The following PDE3A variants were observed in gnomAD, a reference collection of about 807,000 sequenced individuals.
PDE3A encodes phosphodiesterase 3A.
In PDE3A, 43 loss-of-function variants were observed where a neutral mutation model predicts 98.3. The observed-to-expected ratio is 0.44, with a 90% confidence interval of 0.34 to 0.56. The LOEUF (loss-of-function observed/expected upper bound fraction) is 0.56. Among genes scored for constraint, PDE3A ranks in the 20% least tolerant of loss-of-function variants. PDE3A has a pLI of 0.01. For synonymous variants in PDE3A, 663 were observed against 567.9 expected (o/e 1.17, Z -2.38); for missense variants, 1,427 against 1,440.7 (o/e 0.99, Z 0.15).
Position 20,679,292 on chromosome 12 carries a change from G to C in PDE3A, c.3185-738G>C, listed in dbSNP as rs183623110. 2.0e-5 allele frequency among the ~76,000 whole-genome samples: 3 copies of C among 152,238 alleles called. No individual in the cohort carries two copies. The East Asian group carries it at 5.8e-4, about 29-fold the overall frequency. On this transcript the variant is annotated intron_variant, in intron 15 of 15. Transcript: ENST00000359062. The stretch of plus-strand genomic sequence containing the variant: ...AGATGGAATCTCGCTCTGTTGCCCA[G>C]GCTGGAGTGCAGTGGCTCTATCTCA...
chr12:20,525,074 G>A (rs1946491588), intron 1 of PDE3A, among the ~76,000 whole-genome samples: 1 of 152,244 alleles, frequency 6.6e-6, no homozygotes, highest in South Asian at 2.1e-4. Context: ...GGAGGTTGTG[G>A]TGAGCCGAGA....
intron 3 of PDE3A, among the ~76,000 whole-genome samples, chr12:20,614,906 C>T (rs896707890): frequency 6.6e-6 from 1 of 151,710 alleles, no homozygotes; most frequent in Non-Finnish European, 1.5e-5. Context: ...AGTGATTAGC[C>T]GCAGATAAAA....
intron 2 of PDE3A, among the ~76,000 whole-genome samples, chr12:20,577,373 A>G (rs1942960427): frequency 6.6e-6 from 1 of 152,160 alleles, no homozygotes; most frequent in Non-Finnish European, 1.5e-5. Flanking sequence ...GGACCTGGGA[A>G]TTCACCCGGT....
chr12:20,500,214 A>G (rs1945996816), intron 1 of PDE3A, among the ~76,000 whole-genome samples: 1 of 152,218 alleles, frequency 6.6e-6, no homozygotes, highest in South Asian at 2.1e-4. Context: ...GACATTTAAG[A>G]GTTTTCCTGT....
intron 2 of PDE3A, among the ~76,000 whole-genome samples, chr12:20,572,750 T>A (rs1042087665): frequency 2.0e-5 from 3 of 152,140 alleles, no homozygotes; most frequent in Non-Finnish European, 4.4e-5. Context: ...GTCATTTAAA[T>A]ATAAAATATG....
intron 2 of PDE3A, among the ~76,000 whole-genome samples, chr12:20,598,340 G>A (rs950213407): frequency 5.9e-5 from 9 of 151,712 alleles, no homozygotes; most frequent in South Asian, 2.1e-4. Flanking sequence ...CCACCACCAC[G>A]CCCGGCTAAT....
chr12:20,598,780 C>G (rs111731460), intron 2 of PDE3A, among the ~76,000 whole-genome samples: 1 of 152,086 alleles, frequency 6.6e-6, no homozygotes, highest in African/African-American at 2.4e-5. Context: ...TTTCTTATGT[C>G]GCCATATCTC....
intron 1 of PDE3A, among the ~76,000 whole-genome samples, chr12:20,460,148 C>G (rs1357906310): frequency 6.6e-6 from 1 of 152,210 alleles, no homozygotes; most frequent in African/African-American, 2.4e-5. Context: ...ACCTTCAACT[C>G]TCTAATCAAT....
intron 2 of PDE3A, among the ~76,000 whole-genome samples, chr12:20,601,756 C>T (rs1275280474): frequency 7.3e-6 from 1 of 137,194 alleles, no homozygotes; most frequent in Non-Finnish European, 1.6e-5. Context: ...GTAAGTTATT[C>T]TTTTTTAGCT....
At chr12:20,519,375 C>T (rs972060156) in intron 1 of PDE3A, among the ~76,000 whole-genome samples, 34 of 152,156 alleles carry the variant, frequency 2.2e-4, no homozygotes, top group African/African-American at 7.5e-4. Context: ...ACTTTTATGT[C>T]TACAATGCTT....
intron 15 of PDE3A, among the ~76,000 whole-genome samples, chr12:20,671,845 G>A (rs1405666772): frequency 2.0e-5 from 3 of 147,750 alleles, no homozygotes; most frequent in Non-Finnish European, 4.5e-5. Flanking sequence ...GGAAGTTCTG[G>A]CCAAGGCAAT....
intron 1 of PDE3A, among the ~76,000 whole-genome samples, chr12:20,457,550 A>G (rs902239266): frequency 3.3e-5 from 5 of 151,792 alleles, no homozygotes; most frequent in Non-Finnish European, 7.4e-5. Flanking sequence ...ATACACACAC[A>G]TTATACATAT....
chr12:20,507,058 AG>A (rs1565571437), intron 1 of PDE3A, among the ~76,000 whole-genome samples: 10 of 152,186 alleles, frequency 6.6e-5, no homozygotes. Context: ...ATTCACATAA[AG>A]GGTATTTATT....
chr12:20,473,117 C>T (rs1486509789), intron 1 of PDE3A, among the ~76,000 whole-genome samples: 2 of 151,972 alleles, frequency 1.3e-5, no homozygotes, highest in Non-Finnish European at 2.9e-5. Flanking sequence ...TGAGTTGTGT[C>T]ATTGAATGTT....
At chr12:20,489,041 G>A (rs1241292976) in intron 1 of PDE3A, among the ~76,000 whole-genome samples, 2 of 152,136 alleles carry the variant, frequency 1.3e-5, no homozygotes, top group African/African-American at 2.4e-5. Context: ...TACATCAATT[G>A]TTTGAGAATC....
At chr12:20,472,922 TC>T (rs1565560436) in intron 1 of PDE3A, among the ~76,000 whole-genome samples, 1 of 151,576 alleles carries the variant, frequency 6.6e-6, no homozygotes, top group Non-Finnish European at 1.5e-5. Context: ...TTATTCACCA[TC>T]ATGGTAAATC....
chr12:20,496,480 T>C (rs1220648465), intron 1 of PDE3A, among the ~76,000 whole-genome samples: 1 of 152,222 alleles, frequency 6.6e-6, no homozygotes, highest in East Asian at 1.9e-4. Context: ...ACAGCTCTGA[T>C]TCCTGATGTT....
chr12:20,404,957 A>G (rs1367035751), intron 1 of PDE3A, among the ~76,000 whole-genome samples: 2 of 150,866 alleles, frequency 1.3e-5, no homozygotes, highest in Non-Finnish European at 2.9e-5. Flanking sequence ...ACTCAAGGAC[A>G]GAGTTTTCTG....
intron 15 of PDE3A, among the ~76,000 whole-genome samples, chr12:20,671,688 TG>T: frequency 6.8e-6 from 1 of 148,016 alleles, no homozygotes; most frequent in East Asian, 2.0e-4. Context: ...TAGGTATTGA[TG>T]GGACATATTT....
Sources: allele counts gnomAD v4.1 joint callset (sites outside exome capture counted in the v4.1 genomes callset), GRCh38; gene constraint gnomAD v4.1.1; transcripts MANE v1.5; gene names NCBI Gene and HGNC (gene_info 2026-07-23, HGNC 2026-07-21).